EFCAB11: variants seen among roughly 807,000 people sequenced by gnomAD.
The protein encoded by EFCAB11 is EF-hand calcium-binding domain-containing protein 11.
In EFCAB11, 14 loss-of-function variants were observed where a neutral mutation model predicts 23.0. That is an observed-to-expected ratio of 0.61 (90% confidence interval 0.40 to 0.95). EFCAB11 has a LOEUF of 0.95. Among genes scored for constraint, EFCAB11 ranks in the 40% least tolerant of loss-of-function variants. EFCAB11 has a pLI of 0.00. For missense variants in EFCAB11, 198 were observed against 195.8 expected (o/e 1.01, Z -0.07); for synonymous variants, 65 against 66.6 (o/e 0.98, Z 0.11).
At chr14:89,914,892 C>T (rs545267257) in intron 5 of EFCAB11, among the ~76,000 whole-genome samples, 202 of 152,070 alleles carry the variant, frequency 1.3e-3, no homozygotes, top group African/African-American at 4.6e-3. Context: ...TATCTCAGGA[C>T]ACATTCAAGC....
chr14:89,820,937 G>A (rs1367412360), intron 5 of EFCAB11, among the ~76,000 whole-genome samples: 1 of 151,842 alleles, frequency 6.6e-6, no homozygotes, highest in Non-Finnish European at 1.5e-5. Context: ...ATTTATATGT[G>A]TATGGTTTCT....
At chr14:89,819,676 ATCC>A (rs1485227946) in intron 5 of EFCAB11, among the ~76,000 whole-genome samples, 1 of 152,138 alleles carries the variant, frequency 6.6e-6, no homozygotes, top group Non-Finnish European at 1.5e-5. Context: ...GCCTCAAGCA[ATCC>A]TCCTGCCTTG....
In EFCAB11 at chr14:89,909,923, C is replaced by G. The variant is rs1000146350; in HGVS notation, c.410+21618G>C. ...ATCCTCCAGGTCTCACGCCGGCTAT[C>G]ACTTCTCTGATGTCAGCCTTGGTGC... On this transcript the variant is annotated intron_variant, in intron 5 of 5. Transcript: ENST00000316738. Among the ~76,000 whole-genome samples the G allele has an allele frequency of 2.6e-5, 4 of 152,302 alleles. No individual in the cohort carries two copies. The South Asian group carries it at 8.3e-4, about 32-fold the overall frequency.
intron 5 of EFCAB11, among the ~76,000 whole-genome samples, chr14:89,882,047 A>C (rs1888617777): frequency 6.6e-6 from 1 of 152,164 alleles, no homozygotes. Flanking sequence ...GTGTGGAGCT[A>C]TACTGGTTTT....
chr14:89,909,295 C>T (rs1214214196), intron 5 of EFCAB11, among the ~76,000 whole-genome samples: 1 of 152,140 alleles, frequency 6.6e-6, no homozygotes, highest in African/African-American at 2.4e-5. Context: ...CTGATCACAT[C>T]GGCTGGGCAT....
intron 2 of EFCAB11, among the ~76,000 whole-genome samples, chr14:89,953,375 A>G (rs943412329): frequency 1.3e-5 from 2 of 152,234 alleles, no homozygotes; most frequent in African/African-American, 2.4e-5. Context: ...TATGTTTTCA[A>G]TAAAAGACTA....
chr14:89,900,495 T>C lies in EFCAB11; in HGVS notation c.410+31046A>G, dbSNP rs577951097. On this transcript the variant is annotated intron_variant, in intron 5 of 5. Transcript: ENST00000316738. ...CACTTACATACCACACATACATCTATAAGAAAATAAGAAGCACAGCTGAAA... is the reference window on the plus strand; with the variant it reads ...CACTTACATACCACACATACATCTACAAGAAAATAAGAAGCACAGCTGAAA... 8.5e-5 allele frequency among the ~76,000 whole-genome samples: 13 copies of C among 152,098 alleles called. 1 individual carries two copies. Among genetic ancestry groups the C allele is most frequent in the South Asian group, 4.1e-4 (2 of 4,824 alleles).
chr14:89,800,974 C>T (rs193131872), intron 5 of EFCAB11, among the ~76,000 whole-genome samples: 1 of 148,170 alleles, frequency 6.7e-6, no homozygotes, highest in Non-Finnish European at 1.5e-5. Flanking sequence ...GCCTGGGAGA[C>T]GGAGGCTGCA....
At chr14:89,805,253 A>AC (rs71460289) in intron 5 of EFCAB11, among the ~76,000 whole-genome samples, 9 of 151,958 alleles carry the variant, frequency 5.9e-5, no homozygotes, top group African/African-American at 2.2e-4. Flanking sequence ...GGGGGAACAG[A>AC]CCCCCACCCC....
At chr14:89,863,266 T>C (rs145975646) in intron 5 of EFCAB11, among the ~76,000 whole-genome samples, 90 of 152,358 alleles carry the variant, frequency 5.9e-4, no homozygotes, top group Non-Finnish European at 1.2e-3. Context: ...AACTTGATGA[T>C]AGTCAGATTC....
intron 5 of EFCAB11, among the ~76,000 whole-genome samples, chr14:89,821,364 C>T (rs2140102068): frequency 6.6e-6 from 1 of 152,264 alleles, no homozygotes. Context: ...GACTTGCCAG[C>T]CCCCACAATC....
At chr14:89,822,234 G>C (rs1347360245) in intron 5 of EFCAB11, among the ~76,000 whole-genome samples, 2 of 152,160 alleles carry the variant, frequency 1.3e-5, no homozygotes, top group African/African-American at 4.8e-5. Context: ...TTCTCAAAAT[G>C]AGCAAGTGTG....
At chr14:89,944,827 C>T (rs553317815) in intron 3 of EFCAB11, among the ~76,000 whole-genome samples, 26 of 150,984 alleles carry the variant, frequency 1.7e-4, no homozygotes, top group African/African-American at 5.8e-4. Context: ...AAACCTTGTA[C>T]ATAAAGTGTA....
chr14:89,876,288 G>A (rs1888435919), intron 5 of EFCAB11, among the ~76,000 whole-genome samples: 1 of 152,034 alleles, frequency 6.6e-6, no homozygotes, highest in South Asian at 2.1e-4. Flanking sequence ...AGGAGGAGAT[G>A]TTTCCGTTAA....
intron 5 of EFCAB11, among the ~76,000 whole-genome samples, chr14:89,863,673 C>T (rs1887999323): frequency 6.6e-6 from 1 of 152,210 alleles, no homozygotes; most frequent in African/African-American, 2.4e-5. Flanking sequence ...TGGGGATGCA[C>T]CCTGCACATG....
chr14:89,818,249 G>C (rs1201382639), intron 5 of EFCAB11, among the ~76,000 whole-genome samples: 2 of 152,146 alleles, frequency 1.3e-5, no homozygotes, highest in African/African-American at 4.8e-5. Context: ...CCAGGTAAGT[G>C]AAGTGAAATA....
At chr14:89,919,068 T>C (rs1238208716) in intron 5 of EFCAB11, among the ~76,000 whole-genome samples, 1 of 151,932 alleles carries the variant, frequency 6.6e-6, no homozygotes, top group Non-Finnish European at 1.5e-5. Flanking sequence ...GATCAGTTTC[T>C]GCCTGTACTG....
At chr14:89,861,609 T>C (rs1055584162) in intron 5 of EFCAB11, among the ~76,000 whole-genome samples, 1 of 152,138 alleles carries the variant, frequency 6.6e-6, no homozygotes, top group African/African-American at 2.4e-5. Flanking sequence ...TCCCCCAAAT[T>C]TCATGTGTTG....
At chr14:89,802,637 C>T (rs1344177624) in intron 5 of EFCAB11, among the ~76,000 whole-genome samples, 3 of 152,176 alleles carry the variant, frequency 2.0e-5, no homozygotes, top group Non-Finnish European at 2.9e-5. Context: ...AAATGATCCT[C>T]CTGCCTTGGC....
Sources: allele counts gnomAD v4.1 joint callset (sites outside exome capture counted in the v4.1 genomes callset), GRCh38; gene constraint gnomAD v4.1.1; transcripts MANE v1.5; gene names NCBI Gene and HGNC (gene_info 2026-07-23, HGNC 2026-07-21).